Variants in CHMP4C observed in about 807,000 individuals in gnomAD.
CHMP4C encodes the protein SNF7 homolog associated with Alix 3.
Under a neutral mutation model 29.0 loss-of-function variants are expected in CHMP4C, and 28 were observed. That is an observed-to-expected ratio of 0.97 (90% CI 0.72 to 1.32). The LOEUF (loss-of-function observed/expected upper bound fraction) is 1.32, where lower values mean the gene tolerates loss of function less well. Ranked by LOEUF, CHMP4C falls within the 40% of genes most tolerant of loss-of-function variation. The pLI is 0.00. For missense variants in CHMP4C, 291 were observed against 281.0 expected, an observed-to-expected ratio of 1.04 and a Z score of -0.25; for synonymous variants, 106 against 102.4, an observed-to-expected ratio of 1.04 and a Z score of -0.21.
In CHMP4C at chr8:81,755,390, A is replaced by G; in HGVS notation, c.389A>G (p.Asp130Gly). 6.2e-7 allele frequency: 1 copy of G among 1,607,232 alleles called. No individual in the cohort carries two copies. Reference sequence around the variant, plus strand: ...CCCAGGGATCTGAACAAAATAGATGATTTGATGCAAGAGATCACAGAGCAA... The same window carrying G: ...CCCAGGGATCTGAACAAAATAGATGGTTTGATGCAAGAGATCACAGAGCAA... ...HENMDLNKID[D>G]LMQEITEQQD... The change falls in exon 3 of 5, where the codon GAT becomes GGT. Residue 130 changes from aspartate (D) to glycine (G), a missense_variant. Asp to Gly is a moderately conservative substitution (Grantham distance 94). Transcript: ENST00000297265.
intron 1 of CHMP4C, among the ~76,000 whole-genome samples, chr8:81,750,176 AAAG>A (rs1413994223): frequency 1.3e-5 from 2 of 152,178 alleles, no homozygotes; most frequent in Non-Finnish European, 2.9e-5. Flanking sequence ...ATGAGCAACT[AAAG>A]AACAAGTTTT....
At position 81,759,275 on chromosome 8, in the gene CHMP4C, C is replaced by T. The variant is rs1469497169; in HGVS notation, c.*731C>T. On this transcript the variant is annotated 3_prime_UTR_variant, in exon 5 of 5. Transcript: ENST00000297265. ...GGGGCAATGGATGCATTTCCCAAAACGTGTGAAAGCACTAACAGCTTATAT... is the reference window on the plus strand; with the variant it reads ...GGGGCAATGGATGCATTTCCCAAAATGTGTGAAAGCACTAACAGCTTATAT... The T allele has an allele frequency of 6.6e-6, 1 of 152,534 alleles. No individual in the cohort carries two copies. The highest frequency in any genetic ancestry group is 1.5e-5 in the Non-Finnish European group (1 of 68,018). The allele number at this position is 152,534 out of a possible 1,614,324, so 9.4% of individuals were successfully genotyped here. A position where few individuals can be genotyped will look rare whatever the true frequency, so the allele number is the denominator to read the frequency against.
At chr8:81,750,246 T>C (rs972046654) in intron 1 of CHMP4C, among the ~76,000 whole-genome samples, 1 of 152,060 alleles carries the variant, frequency 6.6e-6, no homozygotes, top group Non-Finnish European at 1.5e-5. Context: ...TGAATATAGC[T>C]GAAGACTAAA....
At chr8:81,757,353 C>A (rs939157401) in intron 3 of CHMP4C, among the ~76,000 whole-genome samples, 8 of 152,192 alleles carry the variant, frequency 5.3e-5, no homozygotes, top group South Asian at 2.1e-4. Context: ...CTAATAGTGA[C>A]AACCTCATAA....
At chr8:81,742,336 G>A (rs1457169634) in intron 1 of CHMP4C, among the ~76,000 whole-genome samples, 2 of 152,116 alleles carry the variant, frequency 1.3e-5, no homozygotes, top group Non-Finnish European at 2.9e-5. Flanking sequence ...AAAATTACAG[G>A]CAAGGAAAAT....
chr8:81,739,190 G>A (rs544550525), intron 1 of CHMP4C, among the ~76,000 whole-genome samples: 172 of 148,026 alleles, frequency 1.2e-3, no homozygotes, highest in Non-Finnish European at 2.2e-3. Flanking sequence ...TCTGCCTCCC[G>A]GGTTCAAGTG....
chr8:81,752,974 A>T (rs1808925554), intron 1 of CHMP4C, 90 bp from the exon 2 acceptor site: 1 of 1,053,296 alleles, frequency 9.5e-7, no homozygotes, highest in Admixed American at 2.6e-5. Flanking sequence ...AGTTATCAGA[A>T]GGTCTAAGTC....
chr8:81,753,175 C>T lies in CHMP4C; in HGVS notation c.302C>T (p.Thr101Ile). Reference protein sequence around the residue: ...FQREALENSHTNTEVLRNMGF... With the variant: ...FQREALENSHINTEVLRNMGF... Reference sequence around the variant, plus strand: ...AGAGAAGCCCTGGAGAACTCACACACCAACACTGAGGTGTTGAGGAACATG... The same window carrying T: ...AGAGAAGCCCTGGAGAACTCACACATCAACACTGAGGTGTTGAGGAACATG... Residue 101 changes from threonine (T) to isoleucine (I), a missense_variant, in exon 2 of 5, where the codon ACC becomes ATC. Thr to Ile is a moderately conservative substitution (Grantham distance 89, BLOSUM62 -1). Transcript: ENST00000297265. The T allele has an allele frequency of 1.2e-6, 2 of 1,612,238 alleles. No individual in the cohort carries two copies. The highest frequency in any genetic ancestry group is 8.5e-7 in the Non-Finnish European group (1 of 1,178,844).
intron 1 of CHMP4C, among the ~76,000 whole-genome samples, chr8:81,746,751 A>G (rs533884985): frequency 2.0e-5 from 3 of 152,358 alleles, no homozygotes; most frequent in African/African-American, 7.2e-5. Flanking sequence ...AGCAGAAACC[A>G]TATGCTAACA....
At chr8:81,754,020 C>T (rs1337979988) in intron 2 of CHMP4C, among the ~76,000 whole-genome samples, 1 of 152,042 alleles carries the variant, frequency 6.6e-6, no homozygotes, top group African/African-American at 2.4e-5. Flanking sequence ...GATAGTGGAA[C>T]CTGGGGCAAG....
intron 1 of CHMP4C, among the ~76,000 whole-genome samples, chr8:81,733,706 A>T (rs2130468627): frequency 6.6e-6 from 1 of 152,258 alleles, no homozygotes; most frequent in African/African-American, 2.4e-5. Context: ...ATACCTCTAA[A>T]CAGCACCTGT....
Position 81,758,132 on chromosome 8 carries a change from C to T in CHMP4C, c.484-10C>T, listed in dbSNP as rs1379490105. ...TTAACTCCATAATTCTTCCTTTCTC[C>T]TGTGTTCAGGATGAGTTGATGGCAG... On this transcript the variant is annotated splice_polypyrimidine_tract_variant and intron_variant, in intron 3 of 4. Coordinates refer to ENST00000297265, the MANE Select transcript of CHMP4C (RefSeq NM_152284.4). The T allele has an allele frequency of 1.2e-6, 2 of 1,613,010 alleles. No homozygotes were observed. The highest frequency in any genetic ancestry group is 1.7e-6 in the Non-Finnish European group (2 of 1,179,356).
In CHMP4C at chr8:81,732,664, C is replaced by G; in HGVS notation, c.38C>G (p.Ser13Cys). 1 of 1,566,444 alleles carries G rather than the reference C, an allele frequency of 6.4e-7. No homozygotes were observed. The highest frequency in any genetic ancestry group is 1.4e-5 in the African/African-American group (1 of 74,016). The change falls in exon 1 of 5, where the codon TCT (serine) becomes TGT (cysteine). Residue 13 changes from serine (S) to cysteine (C), a missense_variant. Physicochemically the swap from Ser to Cys is moderately radical, Grantham distance 112. Transcript: ENST00000297265. ...KLGKFFKGGG[S>C]SKSRAAPSPQ... is the part of the protein sequence containing the mutation. ...GGCAAGTTCTTTAAAGGGGGCGGCT[C>G]TTCTAAGAGCCGAGCCGCTCCCAGT... is the stretch of plus-strand genomic sequence containing the variant.
At chr8:81,754,615 G>C (rs938397951) in intron 2 of CHMP4C, among the ~76,000 whole-genome samples, 1 of 152,082 alleles carries the variant, frequency 6.6e-6, no homozygotes, top group Non-Finnish European at 1.5e-5. Context: ...CCTAGTTTCA[G>C]AGTTGGAGGA....
intron 3 of CHMP4C, 94 bp downstream of exon 3, chr8:81,755,578 G>A (rs1014566534): frequency 3.2e-6 from 2 of 620,262 alleles, no homozygotes; most frequent in Non-Finnish European, 5.7e-6. Context: ...ACTACTGAAA[G>A]AACAAGTGAT....
At chr8:81,744,796 C>T (rs1189454978) in intron 1 of CHMP4C, among the ~76,000 whole-genome samples, 1 of 152,126 alleles carries the variant, frequency 6.6e-6, no homozygotes, top group East Asian at 1.9e-4. Context: ...GAGACTGGAG[C>T]CTTATTTCTT....
chr8:81,741,990 T>C (rs1808767655), intron 1 of CHMP4C, among the ~76,000 whole-genome samples: 1 of 152,186 alleles, frequency 6.6e-6, no homozygotes, highest in Non-Finnish European at 1.5e-5. Context: ...TACTAGACAT[T>C]TTGATTCTTT....
At chr8:81,748,883 C>T (rs564656220) in intron 1 of CHMP4C, among the ~76,000 whole-genome samples, 20 of 146,920 alleles carry the variant, frequency 1.4e-4, no homozygotes, top group Non-Finnish European at 1.8e-4. Flanking sequence ...GCCAAGATCG[C>T]GCCACTGCAC....
Position 81,732,557 on chromosome 8 carries a change from T to G in CHMP4C, c.-70T>G. 8.2e-7 allele frequency: 1 copy of G among 1,216,494 alleles called. No individual in the cohort carries two copies. Among genetic ancestry groups the G allele is most frequent in the Non-Finnish European group, 1.1e-6 (1 of 882,506 alleles). The allele number at this position is 1,216,494 out of a possible 1,614,324, so 75.4% of individuals were successfully genotyped here. A position where few individuals can be genotyped will look rare whatever the true frequency, so the allele number is the denominator to read the frequency against. On this transcript the variant is annotated 5_prime_UTR_variant, in exon 1 of 5. Transcript: ENST00000297265. ...CCGAGAGGACTGCCTTGCTCACCTG[T>G]CCCCTCGGCGCGGCCCCGGGGAGCT... is the stretch of plus-strand genomic sequence containing the variant.
Sources: gnomAD v4.1 joint callset for allele counts (sites outside exome capture counted in the v4.1 genomes callset) on GRCh38, gnomAD v4.1.1 for gene constraint, MANE v1.5 for transcripts, NCBI Gene and HGNC (gene_info 2026-07-23, HGNC 2026-07-21) for gene names.